The following MYO5A variants were observed in gnomAD, a reference collection of about 807,000 sequenced individuals.
MYO5A encodes the protein unconventional myosin-Va.
A neutral mutation model predicts 249.7 loss-of-function variants in MYO5A; 98 were observed. That is an observed-to-expected ratio of 0.39 (90% confidence interval 0.33 to 0.46). The LOEUF (loss-of-function observed/expected upper bound fraction) is 0.46. Ranked by LOEUF, MYO5A falls within the 20% of genes least tolerant of loss-of-function variation. The probability of loss-of-function intolerance (pLI) is 0.98; values close to 1 mark genes in which losing one functional copy is unlikely to be tolerated. For missense variants in MYO5A, 1,696 were observed against 2,308.8 expected, an observed-to-expected ratio of 0.73 and a Z score of 5.44; for synonymous variants, 778 against 810.6, an observed-to-expected ratio of 0.96 and a Z score of 0.68.
At chr15:52,458,557 C>T (rs55774735) in intron 1 of MYO5A, among the ~76,000 whole-genome samples, 3 of 151,854 alleles carry the variant, frequency 2.0e-5, no homozygotes, top group Admixed American at 2.0e-4. Context: ...GAAGTCAAGG[C>T]TGCAGTGAGC....
chr15:52,361,395 C>T (rs2040517955), intron 24 of MYO5A, among the ~76,000 whole-genome samples: 1 of 152,140 alleles, frequency 6.6e-6, no homozygotes, highest in Admixed American at 6.5e-5. Context: ...AGATCCCTGT[C>T]TTCCCACATA....
chr15:52,400,027 A>AT (rs1409161259), intron 9 of MYO5A, among the ~76,000 whole-genome samples: 1 of 152,084 alleles, frequency 6.6e-6, no homozygotes, highest in Non-Finnish European at 1.5e-5. Context: ...TTATATCTGA[A>AT]TTTTTTTAAC....
chr15:52,440,025 TAA>T (rs1019887933), intron 1 of MYO5A, among the ~76,000 whole-genome samples: 6 of 152,290 alleles, frequency 3.9e-5, no homozygotes, highest in African/African-American at 1.4e-4. Flanking sequence ...GCAAGGAAAA[TAA>T]AAGACATCTG....
chr15:52,481,977 A>G (rs77732784), intron 1 of MYO5A, among the ~76,000 whole-genome samples: 3,106 of 152,336 alleles, frequency 0.02, 83 homozygotes, highest in African/African-American at 0.071. Flanking sequence ...CAGTAGAATT[A>G]TAAGAACATG....
Position 52,375,424 on chromosome 15 carries a change from G to A in MYO5A, c.2457C>T (p.Thr819=). 6.2e-7 allele frequency: 1 copy of A among 1,614,140 alleles called. No homozygotes were observed. Among genetic ancestry groups the A allele is most frequent in the Non-Finnish European group, 8.5e-7 (1 of 1,180,016 alleles). ...ACATGCGCCAGTACTTTTGAATGAT[G>A]GTTGCTGCCTTGGTTCTGCGCAGAA... is the stretch of plus-strand genomic sequence containing the variant. ...AKFLRRTKAA[T]IIQKYWRMYV... Residue 819 remains threonine, a synonymous_variant, in exon 20 of 42, where the codon ACC becomes ACT. Coordinates refer to ENST00000399233, the MANE Select transcript of MYO5A (RefSeq NM_001382347.1).
chr15:52,376,256 G>A, intron 19 of MYO5A, 91 bp downstream of exon 19: 1 of 1,197,696 alleles, frequency 8.3e-7, no homozygotes, highest in African/African-American at 1.5e-5. Context: ...AAGGTGAGGT[G>A]TTATCTTTTC....
chr15:52,321,216 C>A, intron 38 of MYO5A, 143 bp downstream of exon 38: 2 of 1,037,428 alleles, frequency 1.9e-6, no homozygotes, highest in Non-Finnish European at 2.9e-6. Flanking sequence ...TTCTGGGATT[C>A]CTCGGCTAAT....
At chr15:52,357,168 C>A (rs1224247600) in intron 25 of MYO5A, among the ~76,000 whole-genome samples, 1 of 151,864 alleles carries the variant, frequency 6.6e-6, no homozygotes, top group South Asian at 2.1e-4. Flanking sequence ...AAAAATTAAG[C>A]GTAAAATACT....
chr15:52,421,872 A>G (rs532094383), intron 4 of MYO5A, among the ~76,000 whole-genome samples: 3 of 152,370 alleles, frequency 2.0e-5, no homozygotes, highest in African/African-American at 4.8e-5. Context: ...CGTGACTAGT[A>G]CAGATGTCTT....
chr15:52,334,341 T>C (rs974038907), intron 34 of MYO5A, among the ~76,000 whole-genome samples: 5 of 152,234 alleles, frequency 3.3e-5, no homozygotes, highest in African/African-American at 1.2e-4. Flanking sequence ...TCTGTTTTTT[T>C]CAAACAAATA....
At chr15:52,478,744 T>C (rs1206046816) in intron 1 of MYO5A, among the ~76,000 whole-genome samples, 1 of 152,214 alleles carries the variant, frequency 6.6e-6, no homozygotes, top group Non-Finnish European at 1.5e-5. Context: ...TGCTGTGATA[T>C]GCAATGTACT....
At chr15:52,506,235 C>A (rs1370656162) in intron 1 of MYO5A, among the ~76,000 whole-genome samples, 1 of 152,080 alleles carries the variant, frequency 6.6e-6, no homozygotes, top group Admixed American at 6.6e-5. Flanking sequence ...CCTGTAGTCC[C>A]ACCTACTTGG....
At chr15:52,374,882 CT>C (rs67930384) in intron 20 of MYO5A, among the ~76,000 whole-genome samples, 143,237 of 152,160 alleles carry the variant, frequency 0.94, 68,020 homozygotes, top group East Asian at 1. Context: ...AACTAACATA[CT>C]TTTTTTTTCA....
intron 1 of MYO5A, among the ~76,000 whole-genome samples, chr15:52,450,903 A>G (rs1011753414): frequency 1.5e-5 from 2 of 131,000 alleles, no homozygotes; most frequent in East Asian, 4.5e-4. Flanking sequence ...GCTGGATTGC[A>G]GTGGTGTGAT....
rs535112873 is a variant in MYO5A, at chr15:52,423,323, T to C, written c.455+2507A>G. Among the ~76,000 whole-genome samples, 587 of 151,532 alleles carry C rather than the reference T, an allele frequency of 3.9e-3. 4 individuals carry two copies. The highest frequency in any genetic ancestry group is 0.013 in the African/African-American group (556 of 41,268). On this transcript the variant is annotated intron_variant, in intron 4 of 41. Transcript: ENST00000399233. ...ATCCCAGCACTTTGGGAGGCCGAGGTGGGCGGATCACGAGGTCAGGAGATA... is the reference window on the plus strand; with the variant it reads ...ATCCCAGCACTTTGGGAGGCCGAGGCGGGCGGATCACGAGGTCAGGAGATA...
intron 1 of MYO5A, among the ~76,000 whole-genome samples, chr15:52,512,771 G>A (rs1358782968): frequency 6.6e-6 from 1 of 152,086 alleles, no homozygotes; most frequent in Non-Finnish European, 1.5e-5. Flanking sequence ...AACTTCTTTT[G>A]CCATAGAAGA....
At chr15:52,465,117 G>T (rs1199414670) in intron 1 of MYO5A, among the ~76,000 whole-genome samples, 2 of 152,202 alleles carry the variant, frequency 1.3e-5, no homozygotes, top group Non-Finnish European at 2.9e-5. Flanking sequence ...TGGTAGTAAG[G>T]TCAGGGCAAG....
chr15:52,389,963 A>G (rs2042146285), intron 12 of MYO5A, among the ~76,000 whole-genome samples: 1 of 152,216 alleles, frequency 6.6e-6, no homozygotes, highest in Non-Finnish European at 1.5e-5. Flanking sequence ...TCAAAAAAAG[A>G]AAAACAAAAA....
At position 52,353,927 on chromosome 15, in the gene MYO5A, C is replaced by A. The variant is rs1450924731; in HGVS notation, c.3511G>T (p.Val1171Leu). The A allele has an allele frequency of 6.2e-7, 1 of 1,614,252 alleles. No homozygotes were observed. The highest frequency in any genetic ancestry group is 8.5e-7 in the Non-Finnish European group (1 of 1,180,044). ...TTGCGGTCCAGCTCATCCTGCATCA[C>A]CTGCTTCTCCTGCTCCAGCTCTGTG... ...RVTELEQEKQ[V>L]MQDELDRKEE... Residue 1171 changes from valine to leucine, a missense_variant, in exon 26 of 42, where the codon GTG (valine) becomes TTG (leucine). Coordinates refer to ENST00000399233, the MANE Select transcript of MYO5A (RefSeq NM_001382347.1).
Sources: gnomAD v4.1 joint callset for allele counts (sites outside exome capture counted in the v4.1 genomes callset) on GRCh38, gnomAD v4.1.1 for gene constraint, MANE v1.5 for transcripts, NCBI Gene and HGNC (gene_info 2026-07-23, HGNC 2026-07-21) for gene names.